The following TCF12 variants were observed in gnomAD, a reference collection of about 807,000 sequenced individuals.
The protein encoded by TCF12 is DNA-binding protein HTF4.
TCF12 carries 45 observed loss-of-function variants against 86.0 expected under a neutral mutation model. That is an observed-to-expected ratio of 0.52 (90% CI 0.41 to 0.67). TCF12 has a LOEUF of 0.67. Among genes scored for constraint, TCF12 ranks in the 30% least tolerant of loss-of-function variants. The probability of loss-of-function intolerance (pLI) is 0.00; values close to 1 mark genes in which losing one functional copy is unlikely to be tolerated. For synonymous variants in TCF12, 330 were observed against 299.6 expected (o/e 1.10, Z -1.05); for missense variants, 881 against 859.9 (o/e 1.02, Z -0.31).
intron 3 of TCF12, among the ~76,000 whole-genome samples, chr15:56,992,073 G>A (rs1294981345): frequency 6.6e-6 from 1 of 151,034 alleles, no homozygotes; most frequent in Non-Finnish European, 1.5e-5. Flanking sequence ...TGGCAATACA[G>A]TGAGATCGTG....
chr15:57,213,765 T>C (rs1308030428), intron 8 of TCF12, among the ~76,000 whole-genome samples: 3 of 152,204 alleles, frequency 2.0e-5, no homozygotes, highest in Non-Finnish European at 2.9e-5. Context: ...CAAGACATCA[T>C]GTTCACAAAA....
chr15:57,250,164 A>G (rs190670450), intron 13 of TCF12, among the ~76,000 whole-genome samples: 161 of 152,290 alleles, frequency 1.1e-3, no homozygotes, highest in Non-Finnish European at 1.7e-3. Flanking sequence ...AAATTTTTTA[A>G]TAGATGACCC....
At chr15:56,919,828 C>G (rs1285348032) in intron 1 of TCF12, 64 bp from the exon 2 acceptor site, 3 of 1,451,540 alleles carry the variant, frequency 2.1e-6, no homozygotes, top group African/African-American at 1.4e-5. Context: ...CAGTACCTCT[C>G]TCTGTTCCCT....
chr15:57,251,498 TAAAG>T (rs2060116701), intron 14 of TCF12, 75 bp downstream of exon 14: 3 of 1,407,918 alleles, frequency 2.1e-6, no homozygotes, highest in Non-Finnish European at 3.0e-6. Context: ...GGCATAACAA[TAAAG>T]AAACAGTAGG....
At chr15:57,104,478 G>C (rs1275667933) in intron 5 of TCF12, among the ~76,000 whole-genome samples, 1 of 37,616 alleles carries the variant, frequency 2.7e-5, no homozygotes, top group African/African-American at 8.9e-5. Flanking sequence ...GTCTTTTTCT[G>C]TTGCCCAGGC....
chr15:57,229,514 A>G (rs2059034651), intron 8 of TCF12, among the ~76,000 whole-genome samples: 1 of 151,880 alleles, frequency 6.6e-6, no homozygotes, highest in Admixed American at 6.6e-5. Flanking sequence ...TTAAAAAAAA[A>G]AAAGTCACCT....
rs1277642414 is a variant in TCF12 at position 57,286,204 on chromosome 15, G to A, written c.*59G>A. Reference sequence around the variant, plus strand: ...GATAGAAGGTGACCTCTCCTCATAAGGACTTGGACAACTCAGATTATCTGA... The same window carrying A: ...GATAGAAGGTGACCTCTCCTCATAAAGACTTGGACAACTCAGATTATCTGA... On this transcript the variant is annotated 3_prime_UTR_variant, in exon 21 of 21. Coordinates refer to ENST00000333725, the MANE Select transcript of TCF12 (RefSeq NM_207037.2). 5.7e-6 allele frequency: 1 copy of A among 174,772 alleles called. No individual in the cohort carries two copies. The highest frequency in any genetic ancestry group is 2.4e-5 in the African/African-American group (1 of 41,876). The allele number at this position is 174,772 out of a possible 1,614,324, so 10.8% of individuals were successfully genotyped here.
intron 3 of TCF12, among the ~76,000 whole-genome samples, chr15:56,930,942 T>TA (rs1324566087): frequency 6.6e-6 from 1 of 152,172 alleles, no homozygotes. Flanking sequence ...GTGTGACATA[T>TA]ATACCTATAT....
rs372689979 is a variant in TCF12, at chr15:57,121,593, C to A, written c.325+29702C>A. ...GTGAGGACACAGCGTTTATCTCTTG[C>A]CCTTCTGCCATTTGAAGATACAGTA... On this transcript the variant is annotated intron_variant, in intron 5 of 20. Coordinates refer to ENST00000333725, the MANE Select transcript of TCF12 (RefSeq NM_207037.2). 4.6e-5 allele frequency among the ~76,000 whole-genome samples: 7 copies of A among 152,168 alleles called. 1 individual carries two copies. Among genetic ancestry groups the A allele is most frequent in the Admixed American group, 2.6e-4 (4 of 15,274 alleles).
At chr15:57,078,325 C>A (rs1278171509) in intron 4 of TCF12, among the ~76,000 whole-genome samples, 1 of 152,160 alleles carries the variant, frequency 6.6e-6, no homozygotes, top group African/African-American at 2.4e-5. Flanking sequence ...TAAATTTTTA[C>A]TGTTTATTAT....
chr15:57,059,858 C>G (rs1395232682), intron 3 of TCF12, among the ~76,000 whole-genome samples: 1 of 150,910 alleles, frequency 6.6e-6, no homozygotes, highest in Non-Finnish European at 1.5e-5. Context: ...GGATCAAAAC[C>G]TAGAGATGCC....
intron 4 of TCF12, among the ~76,000 whole-genome samples, chr15:57,066,022 G>C (rs1316836040): frequency 6.6e-6 from 1 of 151,852 alleles, no homozygotes; most frequent in Non-Finnish European, 1.5e-5. Flanking sequence ...CCTAGTCATC[G>C]TCTAAACCTA....
At chr15:57,255,877 A>G (rs757926356) in intron 16 of TCF12, among the ~76,000 whole-genome samples, 1 of 152,218 alleles carries the variant, frequency 6.6e-6, no homozygotes, top group Non-Finnish European at 1.5e-5. Flanking sequence ...CTGAGCTGCA[A>G]CATTAGTGCC....
chr15:57,021,850 G>C (rs1047338189), intron 3 of TCF12, among the ~76,000 whole-genome samples: 1 of 152,026 alleles, frequency 6.6e-6, no homozygotes, highest in African/African-American at 2.4e-5. Flanking sequence ...GTTCCACAGG[G>C]ACATGAGTAT....
chr15:56,955,794 T>C (rs2061484845), intron 3 of TCF12, among the ~76,000 whole-genome samples: 1 of 152,148 alleles, frequency 6.6e-6, no homozygotes, highest in Non-Finnish European at 1.5e-5. Flanking sequence ...TTTTTTATTT[T>C]CTGTTTTGGA....
intron 12 of TCF12, among the ~76,000 whole-genome samples, chr15:57,243,235 T>G (rs556023904): frequency 5.3e-5 from 8 of 152,336 alleles, no homozygotes; most frequent in African/African-American, 1.7e-4. Context: ...TCACCTAGAA[T>G]AATAAATACA....
chr15:57,192,617 A>G (rs1391592847), intron 7 of TCF12, among the ~76,000 whole-genome samples: 1 of 152,022 alleles, frequency 6.6e-6, no homozygotes, highest in African/African-American at 2.4e-5. Context: ...CGAACTCCTG[A>G]TCTCAAGTGA....
chr15:57,201,956 A>T (rs112066111), intron 8 of TCF12, among the ~76,000 whole-genome samples: 5 of 152,044 alleles, frequency 3.3e-5, no homozygotes, highest in Admixed American at 6.6e-5. Flanking sequence ...TTGTCGGGGG[A>T]AAAAAAGGAA....
At chr15:57,027,529 A>G (rs775834882) in intron 3 of TCF12, among the ~76,000 whole-genome samples, 3 of 152,122 alleles carry the variant, frequency 2.0e-5, no homozygotes, top group Admixed American at 2.0e-4. Context: ...GAAATTCTCT[A>G]TAAGGTTTTT....
Sources: gnomAD v4.1 joint callset for allele counts (sites outside exome capture counted in the v4.1 genomes callset) on GRCh38, gnomAD v4.1.1 for gene constraint, MANE v1.5 for transcripts, NCBI Gene and HGNC (gene_info 2026-07-23, HGNC 2026-07-21) for gene names.